DCLK1: variants seen among roughly 807,000 people sequenced by gnomAD.
DCLK1 encodes serine/threonine-protein kinase DCLK1.
In DCLK1, 16 loss-of-function variants were observed where a neutral mutation model predicts 86.2. The observed-to-expected ratio is 0.19, with a 90% CI of 0.13 to 0.28. DCLK1 has a LOEUF of 0.28. DCLK1 is among the 10% of genes least tolerant of loss of function. The pLI is 1.00. For missense variants in DCLK1, 590 were observed against 940.2 expected, an observed-to-expected ratio of 0.63 and a Z score of 4.87; for synonymous variants, 369 against 370.5, an observed-to-expected ratio of 1.00 and a Z score of 0.05.
intron 4 of DCLK1, among the ~76,000 whole-genome samples, chr13:35,875,899 A>T (rs896300070): frequency 8.5e-5 from 13 of 152,276 alleles, no homozygotes; most frequent in African/African-American, 3.1e-4. Context: ...TCTCAGAGAG[A>T]TGAAATGACT....
rs183653454 is a variant in DCLK1, at chr13:35,857,903, T to C, written c.941-3310A>G. ...AACTAAGTAAAGCAAGTATGTGGGG[T>C]TGGAGGCGGAGGAATGTCAGGAATG... On this transcript the variant is annotated intron_variant, in intron 5 of 16. Transcript: ENST00000360631. 2.0e-4 allele frequency among the ~76,000 whole-genome samples: 30 copies of C among 152,140 alleles called. No homozygotes were observed. In the East Asian group the frequency reaches 5.0e-3, roughly 25 times the overall value.
At chr13:36,066,606 C>T (rs1174562317) in intron 3 of DCLK1, among the ~76,000 whole-genome samples, 3 of 152,100 alleles carry the variant, frequency 2.0e-5, no homozygotes, top group African/African-American at 7.2e-5. Context: ...AAACTATCAT[C>T]AGAGTGAACA....
At chr13:35,852,058 C>G (rs1468382183) in intron 6 of DCLK1, among the ~76,000 whole-genome samples, 2 of 151,692 alleles carry the variant, frequency 1.3e-5, no homozygotes, top group African/African-American at 4.8e-5. Flanking sequence ...ATTTTCTTGG[C>G]CATGTTGCTA....
chr13:35,775,467 G>A (rs529916421), intron 16 of DCLK1, among the ~76,000 whole-genome samples: 59 of 152,168 alleles, frequency 3.9e-4, no homozygotes, highest in African/African-American at 1.1e-3. Context: ...ATGATTCCCC[G>A]GATGTGTTAT....
At chr13:36,109,797 A>G (rs1318676590) in intron 3 of DCLK1, among the ~76,000 whole-genome samples, 1 of 152,228 alleles carries the variant, frequency 6.6e-6, no homozygotes, top group Non-Finnish European at 1.5e-5. Context: ...ATTCCGTCCC[A>G]TGACTTTGGA....
chr13:35,913,797 A>G (rs1033033526), intron 4 of DCLK1, among the ~76,000 whole-genome samples: 1 of 152,208 alleles, frequency 6.6e-6, no homozygotes, highest in Admixed American at 6.5e-5. Flanking sequence ...GCTTCTAGAC[A>G]AAACAGAAGT....
intron 3 of DCLK1, among the ~76,000 whole-genome samples, chr13:35,958,131 A>ACTGTAACCATCACCACCACCACTG (rs1555352807): frequency 0.19 from 9,064 of 48,654 alleles, 1,625 homozygotes; most frequent in East Asian, 0.28. Flanking sequence ...CACTACCACT[A>ACTGTAACCATCACCACCACCACTG]CTATAACCAC....
chr13:35,801,238 T>C (rs1030294305), intron 15 of DCLK1, among the ~76,000 whole-genome samples: 1 of 152,256 alleles, frequency 6.6e-6, no homozygotes, highest in African/African-American at 2.4e-5. Context: ...TGGATATTCT[T>C]TGAAATCCCT....
intron 8 of DCLK1, 41 bp downstream of exon 8, chr13:35,835,992 A>C: frequency 1.4e-6 from 2 of 1,413,502 alleles, no homozygotes; most frequent in Non-Finnish European, 2.0e-6. Context: ...ATAACGCCAA[A>C]TGTAACCTTT....
At chr13:35,806,962 T>C (rs982481576) in intron 14 of DCLK1, among the ~76,000 whole-genome samples, 2 of 152,138 alleles carry the variant, frequency 1.3e-5, no homozygotes, top group African/African-American at 4.8e-5. Flanking sequence ...GTCTGAGGGG[T>C]TGGCTTTTAA....
At chr13:35,982,135 C>T (rs1024072977) in intron 3 of DCLK1, among the ~76,000 whole-genome samples, 1 of 152,074 alleles carries the variant, frequency 6.6e-6, no homozygotes, top group African/African-American at 2.4e-5. Flanking sequence ...GATTTCACCA[C>T]ACCCACCCGG....
chr13:35,909,597 ATGTGTGTGTGTGTGTGTGTG>A (rs57044533), intron 4 of DCLK1, among the ~76,000 whole-genome samples: 10 of 146,244 alleles, frequency 6.8e-5, no homozygotes, highest in Middle Eastern at 3.5e-3. Context: ...CTGTGTGCAT[ATGTGTGTGTGTGTGTGTGTG>A]TGTGTGTGTG....
At chr13:36,123,264 A>G (rs1886054983) in intron 2 of DCLK1, among the ~76,000 whole-genome samples, 1 of 152,224 alleles carries the variant, frequency 6.6e-6, no homozygotes, top group South Asian at 2.1e-4. Context: ...TGTAATTGAC[A>G]AAGAGGCGAA....
chr13:36,055,114 G>T (rs903895357), intron 3 of DCLK1, among the ~76,000 whole-genome samples: 1 of 152,154 alleles, frequency 6.6e-6, no homozygotes, highest in African/African-American at 2.4e-5. Context: ...AGATTAGAGA[G>T]GACTCAGAGC....
At chr13:35,982,205 C>T (rs1374706177) in intron 3 of DCLK1, among the ~76,000 whole-genome samples, 1 of 151,912 alleles carries the variant, frequency 6.6e-6, no homozygotes, top group African/African-American at 2.4e-5. Flanking sequence ...CTGGGATAGG[C>T]ACTTTTCACA....
At chr13:35,821,012 G>A (rs1413373353) in intron 11 of DCLK1, among the ~76,000 whole-genome samples, 1 of 152,204 alleles carries the variant, frequency 6.6e-6, no homozygotes, top group Non-Finnish European at 1.5e-5. Context: ...CACATAGCAA[G>A]TACTCAGTTA....
chr13:35,852,371 A>G (rs1478910550), intron 6 of DCLK1, among the ~76,000 whole-genome samples: 2 of 152,194 alleles, frequency 1.3e-5, no homozygotes, highest in Non-Finnish European at 2.9e-5. Flanking sequence ...GCACTGACAC[A>G]GCACATGGAT....
chr13:35,990,262 T>C (rs1249843198), intron 3 of DCLK1, among the ~76,000 whole-genome samples: 3 of 152,190 alleles, frequency 2.0e-5, no homozygotes, highest in Non-Finnish European at 4.4e-5. Flanking sequence ...ATTTTGTGTG[T>C]ATTTAAGTCA....
intron 3 of DCLK1, among the ~76,000 whole-genome samples, chr13:35,968,925 T>G (rs1878921480): frequency 6.6e-6 from 1 of 152,088 alleles, no homozygotes; most frequent in Non-Finnish European, 1.5e-5. Context: ...CCCAAATACG[T>G]CCTAACCAAT....
Sources: gnomAD v4.1 joint callset for allele counts (sites outside exome capture counted in the v4.1 genomes callset) on GRCh38, gnomAD v4.1.1 for gene constraint, MANE v1.5 for transcripts, NCBI Gene and HGNC (gene_info 2026-07-23, HGNC 2026-07-21) for gene names.